Variants in HDAC7 observed in about 807,000 individuals in gnomAD.
HDAC7 encodes histone deacetylase 7A.
HDAC7 carries 26 observed loss-of-function variants against 115.5 expected under a neutral mutation model. The observed-to-expected ratio is 0.23, with a 90% CI of 0.16 to 0.31. The LOEUF is 0.31. Ranked by LOEUF, HDAC7 falls within the 10% of genes least tolerant of loss-of-function variation. The probability of loss-of-function intolerance (pLI) is 1.00; values close to 1 mark genes in which losing one functional copy is unlikely to be tolerated. For missense variants in HDAC7, 1,068 were observed against 1,329.0 expected, an observed-to-expected ratio of 0.80 and a Z score of 3.05; for synonymous variants, 564 against 550.9, an observed-to-expected ratio of 1.02 and a Z score of -0.33.
intron 1 of HDAC7, among the ~76,000 whole-genome samples, chr12:47,808,692 G>A (rs943044715): frequency 4.6e-5 from 7 of 152,326 alleles, no homozygotes; most frequent in African/African-American, 1.7e-4. Flanking sequence ...GGAGGGCATA[G>A]CTACTTCCTG....
intron 24 of HDAC7, 147 bp from the exon 25 acceptor site, chr12:47,784,364 C>G (rs1943039138): frequency 5.0e-6 from 4 of 798,500 alleles, no homozygotes; most frequent in Middle Eastern, 2.4e-4. Flanking sequence ...CTCCCACCTG[C>G]CCCTCTCCTC....
intron 1 of HDAC7, among the ~76,000 whole-genome samples, chr12:47,810,145 T>C (rs1944586899): frequency 6.6e-6 from 1 of 151,928 alleles, no homozygotes; most frequent in Admixed American, 6.6e-5. Flanking sequence ...GGTGTTTCAC[T>C]ATGTTGGCCA....
intron 1 of HDAC7, among the ~76,000 whole-genome samples, chr12:47,814,917 G>A (rs145674574): frequency 0.016 from 2,440 of 152,282 alleles, 67 homozygotes; most frequent in African/African-American, 0.055. Context: ...CCTTCTTAGG[G>A]CTTATCACAG....
At chr12:47,799,077 A>G (rs551746636) in intron 2 of HDAC7, 105 bp from the exon 3 acceptor site, 2 of 738,630 alleles carry the variant, frequency 2.7e-6, no homozygotes, top group South Asian at 4.5e-5. Context: ...TGACAATGGC[A>G]AAACACTCTC....
chr12:47,786,906 G>C (rs1488946409), intron 21 of HDAC7, among the ~76,000 whole-genome samples: 2 of 152,190 alleles, frequency 1.3e-5, no homozygotes, highest in African/African-American at 4.8e-5. Flanking sequence ...CAGCCCCCTA[G>C]GGGACTTAAC....
In HDAC7 at chr12:47,802,256, G is replaced by T; in HGVS notation, c.38C>A (p.Pro13Gln). ...SPGADGTQVS[P>Q]GAHYCSPTGA... ...AGTGGGGCTGCAGTAGTGGGCACCC[G>T]GGCTCACCTGGGTCCCATCTGTAGA... The change falls in exon 2 of 26, where the codon CCG becomes CAG. Residue 13 changes from proline (P) to glutamine (Q), a missense_variant. Physicochemically the swap from Pro to Gln is moderately conservative, Grantham distance 76. Coordinates refer to ENST00000080059, the MANE Select transcript of HDAC7 (RefSeq NM_015401.5). The T allele has an allele frequency of 6.2e-7, 1 of 1,613,940 alleles. No individual in the cohort carries two copies. Among genetic ancestry groups the T allele is most frequent in the South Asian group, 1.1e-5 (1 of 91,046 alleles).
rs556041138 is a variant in HDAC7 at position 47,791,786 on chromosome 12, C to A, written c.1813-80G>T. ...CCACCACCCCATGTGCCCCTCATCT[C>A]TCATGGGCCCCAGGGCCCCCCACCC... On this transcript the variant is annotated intron_variant, in intron 14 of 25. Transcript: ENST00000080059. 7.7e-5 allele frequency: 123 copies of A among 1,588,470 alleles called. 3 individuals carry two copies. The East Asian group carries it at 1.7e-3, about 22-fold the overall frequency.
At chr12:47,796,800 G>A (rs1943874337) in intron 7 of HDAC7, among the ~76,000 whole-genome samples, 1 of 152,216 alleles carries the variant, frequency 6.6e-6, no homozygotes, top group Non-Finnish European at 1.5e-5. Flanking sequence ...ATTTTTTGAA[G>A]GGTGCCCCCT....
In HDAC7 at chr12:47,808,986, C is replaced by A. The variant is rs117096705; in HGVS notation, c.20-6712G>T. Among the ~76,000 whole-genome samples, 1,263 of 152,344 alleles carry A rather than the reference C, an allele frequency of 8.3e-3. 15 individuals carry two copies. The highest frequency in any genetic ancestry group is 0.021 in the East Asian group (111 of 5,192). On this transcript the variant is annotated intron_variant, in intron 1 of 25. Transcript: ENST00000080059. ...CCTATCATAAGCAAAACATCCTGAGCAGGCAAGATTTGAGGCCCTATCTGT... is the reference window on the plus strand; with the variant it reads ...CCTATCATAAGCAAAACATCCTGAGAAGGCAAGATTTGAGGCCCTATCTGT...
Position 47,797,866 on chromosome 12 carries a change from G to GTA in HDAC7, c.461+241_461+242insTA, listed in dbSNP as rs1383972379. On this transcript the variant is annotated intron_variant, in intron 5 of 25. Coordinates refer to ENST00000080059, the MANE Select transcript of HDAC7 (RefSeq NM_015401.5). The surrounding 1 kb of genome is among the most constrained non-coding windows in gnomAD (Gnocchi z 5.5). ...AAAAAAGCCAGTAGGGTGTGTGTGT[G>GTA]TGTGTGTGTGTGTGTGTGTGTGTGT... 6.8e-6 allele frequency among the ~76,000 whole-genome samples: 1 copy of GTA among 146,932 alleles called. No homozygotes were observed. Among genetic ancestry groups the GTA allele is most frequent in the African/African-American group, 2.6e-5 (1 of 39,210 alleles).
chr12:47,785,572 A>T (rs1592626062), intron 23 of HDAC7, 101 bp from the exon 24 acceptor site: 1 of 1,374,016 alleles, frequency 7.3e-7, no homozygotes, highest in East Asian at 2.3e-5. Context: ...AGCACACTCT[A>T]CCTAGGCCAG....
chr12:47,788,233 T>A (rs1456425773), intron 19 of HDAC7, 69 bp from the exon 20 acceptor site: 1 of 1,512,408 alleles, frequency 6.6e-7, no homozygotes, highest in East Asian at 2.3e-5. Context: ...TAGAAGGGTT[T>A]CAAGGTCAGT....
chr12:47,806,261 A>G (rs1259206903), intron 1 of HDAC7, among the ~76,000 whole-genome samples: 2 of 152,276 alleles, frequency 1.3e-5, no homozygotes, highest in African/African-American at 4.8e-5. Context: ...AGCACACAGG[A>G]CATTGGCTTT....
chr12:47,785,308 A>C, intron 24 of HDAC7, 79 bp downstream of exon 24: 1 of 1,240,592 alleles, frequency 8.1e-7, no homozygotes, highest in African/African-American at 1.5e-5. Context: ...CGGAAGCCCT[A>C]GGATCTGGCC....
chr12:47,799,850 C>G (rs368078958), intron 2 of HDAC7, among the ~76,000 whole-genome samples: 1 of 152,198 alleles, frequency 6.6e-6, no homozygotes, highest in African/African-American at 2.4e-5. Flanking sequence ...CACTGGGAGA[C>G]GGAGCTGTTG....
At position 47,799,022 on chromosome 12, in the gene HDAC7, G is replaced by A. The variant is rs148019967; in HGVS notation, c.71-50C>T. The A allele has an allele frequency of 5.2e-4, 673 of 1,303,736 alleles. 3 individuals are homozygous for A. The highest frequency in any genetic ancestry group is 3.6e-3 in the Middle Eastern group (17 of 4,750). The allele number at this position is 1,303,736 out of a possible 1,614,324, so 80.8% of individuals were successfully genotyped here. On this transcript the variant is annotated intron_variant, in intron 2 of 25. Coordinates refer to ENST00000080059, the MANE Select transcript of HDAC7 (RefSeq NM_015401.5). ...GTAAACTGGAAAGTTTGTCCTCGGG[G>A]GCATGATACAGCCTGATCCCCCCTC...
At chr12:47,821,055 G>T (rs1945008094), upstream of HDAC7, among the ~76,000 whole-genome samples, 2 of 152,198 alleles carry the variant, frequency 1.3e-5, no homozygotes, top group South Asian at 4.1e-4. Context: ...CACCACGCAG[G>T]AACACTGGGC....
intron 19 of HDAC7, 52 bp from the exon 20 acceptor site, chr12:47,788,216 G>A (rs1943279715): frequency 6.4e-7 from 1 of 1,556,714 alleles, no homozygotes; most frequent in African/African-American, 1.4e-5. Context: ...TGGGGGCCAG[G>A]ACAGGTTAGA....
In HDAC7 at chr12:47,798,822, G is replaced by C. The variant is rs1314204896; in HGVS notation, c.221C>G (p.Ala74Gly). 6.4e-7 allele frequency: 1 copy of C among 1,559,362 alleles called. No homozygotes were observed. Among genetic ancestry groups the C allele is most frequent in the South Asian group, 1.2e-5 (1 of 84,640 alleles). ...PQRLHHHLFL[A>G]GLQQQRSVEP... is the part of the protein sequence containing the mutation. The stretch of plus-strand genomic sequence containing the variant: ...CACCGAGCGCTGCTGCTGCAGGCCT[G>C]CTAGGAAGAGGTGGTGGTGCAGGCG... The change falls in exon 3 of 26, where the codon GCA becomes GGA. Residue 74 changes from alanine (A) to glycine (G), a missense_variant. Around this residue, in one of 6 missense-constraint regions of HDAC7, gnomAD observed 161 missense variants for 158.5 expected, o/e 1.02. Coordinates refer to ENST00000080059, the MANE Select transcript of HDAC7 (RefSeq NM_015401.5). The surrounding 1 kb of genome is among the most constrained non-coding windows in gnomAD (Gnocchi z 4.3).
Sources: allele counts gnomAD v4.1 joint callset (sites outside exome capture counted in the v4.1 genomes callset), GRCh38; gene constraint gnomAD v4.1.1; regional missense constraint gnomAD v4.1.1; non-coding constraint Gnocchi (gnomAD v3.1); transcripts MANE v1.5; gene names NCBI Gene and HGNC (gene_info 2026-07-23, HGNC 2026-07-21).